Variants in INTS7 observed in about 807,000 individuals in gnomAD.
The protein encoded by INTS7 is integrator complex subunit 7, also known as chromosome 1 open reading frame 73.
A neutral mutation model predicts 109.2 loss-of-function variants in INTS7; 46 were observed. That is an observed-to-expected ratio of 0.42 (90% confidence interval 0.33 to 0.54). INTS7 has a LOEUF of 0.54. Ranked by LOEUF, INTS7 falls within the 20% of genes least tolerant of loss-of-function variation. INTS7 has a pLI of 0.07. For synonymous variants in INTS7, 412 were observed against 402.9 expected (o/e 1.02, Z -0.27); for missense variants, 929 against 1,132.4 (o/e 0.82, Z 2.58).
At chr1:211,971,939 A>G (rs1664196668) in intron 13 of INTS7, among the ~76,000 whole-genome samples, 1 of 150,746 alleles carries the variant, frequency 6.6e-6, no homozygotes, top group African/African-American at 2.4e-5. Flanking sequence ...AAAAAAAAGA[A>G]AAGAAAAGAA....
At chr1:212,019,682 G>T (rs1207595481) in intron 3 of INTS7, among the ~76,000 whole-genome samples, 1 of 152,044 alleles carries the variant, frequency 6.6e-6, no homozygotes. Flanking sequence ...AAAAGCTAAA[G>T]AAACTATAGT....
chr1:211,965,276 T>C lies in INTS7; in HGVS notation c.2183+1154A>G, dbSNP rs181950626. On this transcript the variant is annotated intron_variant, in intron 16 of 19. Transcript: ENST00000366994. ...CATCTCACACCAGTCAGAATGGCTATTATTACATCATCAAAAAATAACAGA... is the reference window on the plus strand; with the variant it reads ...CATCTCACACCAGTCAGAATGGCTACTATTACATCATCAAAAAATAACAGA... Among the ~76,000 whole-genome samples the C allele has an allele frequency of 9.2e-5, 14 of 151,954 alleles. No homozygotes were observed. In the East Asian group the frequency reaches 2.7e-3, roughly 29 times the overall value.
chr1:212,008,567 G>C (rs1164115743), intron 5 of INTS7, among the ~76,000 whole-genome samples: 1 of 152,070 alleles, frequency 6.6e-6, no homozygotes, highest in Non-Finnish European at 1.5e-5. Flanking sequence ...GGCTAAATGT[G>C]AAAGGCTGCC....
chr1:212,030,783 T>C (rs1469368914), intron 1 of INTS7: 2 of 152,202 alleles, frequency 1.3e-5, no homozygotes, highest in Non-Finnish European at 2.9e-5. Flanking sequence ...GGAGGGCCTA[T>C]GAAGATACTT....
intron 7 of INTS7, among the ~76,000 whole-genome samples, chr1:212,002,605 C>T (rs1182627763): frequency 6.6e-6 from 1 of 152,186 alleles, no homozygotes; most frequent in Non-Finnish European, 1.5e-5. Flanking sequence ...CCTGATAATA[C>T]CCTTCCTTTA....
chr1:212,000,130 A>G (rs550446280), intron 7 of INTS7, among the ~76,000 whole-genome samples: 42 of 152,108 alleles, frequency 2.8e-4, no homozygotes, highest in Admixed American at 5.2e-4. Context: ...AGAAAGAAAG[A>G]AGAAAAAGGA....
chr1:212,017,094 G>A, intron 3 of INTS7, 71 bp from the exon 4 acceptor site: 1 of 1,281,006 alleles, frequency 7.8e-7, no homozygotes, highest in Non-Finnish European at 1.1e-6. Context: ...AAGAGGCAAG[G>A]CAAAGTCAGA....
intron 7 of INTS7, among the ~76,000 whole-genome samples, chr1:211,993,418 G>A (rs921842564): frequency 2.6e-5 from 4 of 152,146 alleles, no homozygotes; most frequent in Non-Finnish European, 4.4e-5. Flanking sequence ...GGCAGCTCAC[G>A]CCTGTAATCC....
intron 3 of INTS7, among the ~76,000 whole-genome samples, chr1:212,019,700 T>G (rs1461194347): frequency 6.6e-6 from 1 of 152,208 alleles, no homozygotes; most frequent in Non-Finnish European, 1.5e-5. Flanking sequence ...AGTGGTTATA[T>G]CTGATGTTCT....
At chr1:212,011,735 G>A (rs1207050855) in intron 4 of INTS7, 1 of 237,230 alleles carries the variant, frequency 4.2e-6, no homozygotes, top group African/African-American at 2.2e-5. Flanking sequence ...AACAGGGCCT[G>A]ACCTTTTTCA....
intron 17 of INTS7, 199 bp downstream of exon 17, chr1:211,952,370 T>A (rs1267192839): frequency 2.3e-6 from 1 of 440,740 alleles, no homozygotes; most frequent in African/African-American, 2.0e-5. Flanking sequence ...ACGTAGCAGC[T>A]AGAGATGTGC....
chr1:211,991,090 T>C (rs980665312), intron 7 of INTS7, among the ~76,000 whole-genome samples: 2 of 152,040 alleles, frequency 1.3e-5, no homozygotes, highest in Non-Finnish European at 2.9e-5. Context: ...AGATTACATA[T>C]CAAGAAATGA....
intron 17 of INTS7, among the ~76,000 whole-genome samples, chr1:211,948,898 G>A (rs1208541772): frequency 2.0e-5 from 3 of 152,168 alleles, no homozygotes; most frequent in African/African-American, 2.4e-5. Context: ...GTAGAGACAG[G>A]GTTTCACCAT....
intron 7 of INTS7, among the ~76,000 whole-genome samples, chr1:211,999,950 C>T (rs531109946): frequency 6.6e-6 from 1 of 151,956 alleles, no homozygotes; most frequent in African/African-American, 2.4e-5. Flanking sequence ...ACTAAAAATA[C>T]AAAAATTAGC....
At chr1:211,969,551 C>CTTTT (rs36104773) in intron 13 of INTS7, among the ~76,000 whole-genome samples, 170 of 84,712 alleles carry the variant, frequency 2.0e-3, no homozygotes, top group Non-Finnish European at 2.8e-3. Flanking sequence ...TTTTTCTTTT[C>CTTTT]TTTTTTTTTT....
At chr1:211,980,420 G>A (rs935805006) in intron 10 of INTS7, among the ~76,000 whole-genome samples, 1 of 152,116 alleles carries the variant, frequency 6.6e-6, no homozygotes, top group Admixed American at 6.5e-5. Context: ...AAAAAGAGTA[G>A]TTTCATTTCA....
chr1:211,951,781 T>C (rs1322303726), intron 17 of INTS7, among the ~76,000 whole-genome samples: 1 of 152,174 alleles, frequency 6.6e-6, no homozygotes, highest in African/African-American at 2.4e-5. Flanking sequence ...CTGTGAGAAA[T>C]AAATGTCTGT....
intron 7 of INTS7, among the ~76,000 whole-genome samples, chr1:211,990,145 G>A (rs1254448932): frequency 6.6e-6 from 1 of 152,090 alleles, no homozygotes; most frequent in Non-Finnish European, 1.5e-5. Flanking sequence ...TTTCTTTTCT[G>A]AAAATTTATG....
At chr1:211,964,789 C>A (rs1406581154) in intron 16 of INTS7, among the ~76,000 whole-genome samples, 1 of 152,084 alleles carries the variant, frequency 6.6e-6, no homozygotes, top group East Asian at 1.9e-4. Context: ...GAAACTGGAC[C>A]CCTTCCTTAC....
Sources: allele counts gnomAD v4.1 joint callset (sites outside exome capture counted in the v4.1 genomes callset), GRCh38; gene constraint gnomAD v4.1.1; transcripts MANE v1.5; gene names NCBI Gene and HGNC (gene_info 2026-07-23, HGNC 2026-07-21).